Variants in FMN2 observed in about 807,000 individuals in gnomAD.
FMN2 encodes formin 2.
Under a neutral mutation model 142.3 loss-of-function variants are expected in FMN2, and 51 were observed. The ratio of observed to expected loss-of-function variants is 0.36; its 90% CI spans 0.29 to 0.45. FMN2 has a LOEUF of 0.45. Among genes scored for constraint, FMN2 ranks in the 20% least tolerant of loss-of-function variants. FMN2 has a pLI of 1.00. For synonymous variants in FMN2, 882 were observed against 869.8 expected (o/e 1.01, Z -0.25); for missense variants, 1,936 against 2,122.8 (o/e 0.91, Z 1.73).
At chr1:240,277,525 C>CTTT (rs34678861) in intron 7 of FMN2, among the ~76,000 whole-genome samples, 2,504 of 66,128 alleles carry the variant, frequency 0.038, 5 homozygotes, top group Non-Finnish European at 0.048. Context: ...GCATCTTCTT[C>CTTT]TTTTTTTTTT....
intron 1 of FMN2, among the ~76,000 whole-genome samples, chr1:240,094,766 A>C (rs2103163039): frequency 6.6e-6 from 1 of 152,350 alleles, no homozygotes; most frequent in Admixed American, 6.5e-5. Context: ...GCAATCTGAA[A>C]ATTTTAAAAT....
chr1:240,313,026 G>A (rs1670646704), intron 8 of FMN2, among the ~76,000 whole-genome samples: 1 of 152,186 alleles, frequency 6.6e-6, no homozygotes, highest in African/African-American at 2.4e-5. Context: ...TTGTTCTGAA[G>A]TACAAGGCTC....
chr1:240,300,764 G>GT (rs1428673142), intron 8 of FMN2, among the ~76,000 whole-genome samples: 3 of 152,018 alleles, frequency 2.0e-5, no homozygotes, highest in African/African-American at 7.2e-5. Flanking sequence ...ATTTGGAATC[G>GT]TTTTTTCTCT....
intron 2 of FMN2, among the ~76,000 whole-genome samples, chr1:240,167,977 C>T (rs12065347): frequency 0.012 from 1,758 of 152,198 alleles, 41 homozygotes; most frequent in African/African-American, 0.041. Flanking sequence ...GAAGCTGAGG[C>T]AGAAGAATCC....
At chr1:240,094,852 A>T (rs1260312847) in intron 1 of FMN2, among the ~76,000 whole-genome samples, 3 of 152,192 alleles carry the variant, frequency 2.0e-5, no homozygotes, top group Admixed American at 2.0e-4. Flanking sequence ...ACAGACAGCG[A>T]CTTCTTAGTT....
At chr1:240,144,061 G>T (rs1663317966) in intron 2 of FMN2, 2 of 1,097,784 alleles carry the variant, frequency 1.8e-6, no homozygotes, top group Admixed American at 1.7e-5. Context: ...CTGACTTAAT[G>T]TAGTCCTCAA....
intron 13 of FMN2, among the ~76,000 whole-genome samples, chr1:240,346,339 ATAT>A (rs1671906681): frequency 6.6e-6 from 1 of 152,164 alleles, no homozygotes; most frequent in Non-Finnish European, 1.5e-5. Flanking sequence ...TTGTATACAA[ATAT>A]TATTTGTATA....
At position 240,257,956 on chromosome 1, in the gene FMN2, A is replaced by G; in HGVS notation, c.4077A>G (p.Leu1359=). Residue 1359 remains leucine, a synonymous_variant, in exon 7 of 18, where the codon TTA becomes TTG. Transcript: ENST00000319653. ...TCTTTCTCGAGCAGGTTGTCAAGTTATTAAGCAACAAAAGATCACAAGCAG... is the reference window on the plus strand; with the variant it reads ...TCTTTCTCGAGCAGGTTGTCAAGTTGTTAAGCAACAAAAGATCACAAGCAG... The part of the protein sequence containing the change: ...SKTKAKQVVK[L]LSNKRSQAVG... The G allele has an allele frequency of 6.2e-7, 1 of 1,613,264 alleles. No individual in the cohort carries two copies. The highest frequency in any genetic ancestry group is 8.5e-7 in the Non-Finnish European group (1 of 1,179,696).
chr1:240,245,879 G>C (rs1668062584), intron 6 of FMN2, among the ~76,000 whole-genome samples: 1 of 152,222 alleles, frequency 6.6e-6, no homozygotes, highest in Admixed American at 6.5e-5. Context: ...AGAGGAAAAG[G>C]ATAGAGAAAG....
chr1:240,170,730 C>G (rs1664666228), intron 2 of FMN2: 3 of 1,508,498 alleles, frequency 2.0e-6, no homozygotes, highest in Admixed American at 3.4e-5. Context: ...TGAACACTGT[C>G]AAGGTGGGGC....
chr1:240,157,977 A>AT (rs59691811), intron 2 of FMN2, among the ~76,000 whole-genome samples: 1 of 144,968 alleles, frequency 6.9e-6, no homozygotes, highest in Non-Finnish European at 1.5e-5. Flanking sequence ...TCTCTACTAA[A>AT]AAAAAAAAAA....
chr1:240,443,486 C>T (rs763789860), intron 16 of FMN2, among the ~76,000 whole-genome samples: 7 of 152,028 alleles, frequency 4.6e-5, no homozygotes, highest in Non-Finnish European at 7.4e-5. Context: ...CTTTGGGAGG[C>T]CAGCACTTTG....
chr1:240,340,892 T>C (rs899116986), intron 13 of FMN2, among the ~76,000 whole-genome samples: 1 of 152,186 alleles, frequency 6.6e-6, no homozygotes, highest in African/African-American at 2.4e-5. Context: ...CCTTAATGTG[T>C]AGAAAAATTT....
intron 14 of FMN2, among the ~76,000 whole-genome samples, chr1:240,380,705 C>G (rs955974423): frequency 4.0e-5 from 5 of 125,898 alleles, no homozygotes; most frequent in African/African-American, 1.5e-4. Flanking sequence ...AAACCAAACT[C>G]AAAACTAGTT....
intron 13 of FMN2, among the ~76,000 whole-genome samples, chr1:240,338,932 A>T (rs1007299049): frequency 1.3e-5 from 2 of 152,336 alleles, no homozygotes; most frequent in East Asian, 3.9e-4. Flanking sequence ...AGACAGTGAC[A>T]GATCATCAGA....
intron 2 of FMN2, among the ~76,000 whole-genome samples, chr1:240,173,347 A>G (rs1001023557): frequency 6.6e-6 from 1 of 152,136 alleles, no homozygotes; most frequent in Admixed American, 6.5e-5. Flanking sequence ...TTGAGGAAAC[A>G]TGATATACAC....
At position 240,093,208 on chromosome 1, in the gene FMN2, GC is replaced by G; in HGVS notation, c.1103del (p.Pro368ArgfsTer84). 6.7e-7 allele frequency: 1 copy of G among 1,500,364 alleles called. No homozygotes were observed. 92.9% of individuals were successfully genotyped at this position (1,500,364 alleles called of 1,614,324 possible). A position where few individuals can be genotyped will look rare whatever the true frequency, so the allele number is the denominator to read the frequency against. On this transcript the variant is annotated frameshift_variant, in exon 1 of 18. Coordinates refer to ENST00000319653, the MANE Select transcript of FMN2 (RefSeq NM_020066.5). LOFTEE classifies it high-confidence loss of function. ...CCGGGGCTCTCCGGGGGAGGAGTGGGCCCCGGAGGTGGGAGAGGACGCCCCG... is the reference window on the plus strand; with the variant it reads ...CCGGGGCTCTCCGGGGGAGGAGTGGGCCCGGAGGTGGGAGAGGACGCCCCG... ...APRGSPGEEW[A>X]PEVGEDAPQR... is the part of the protein sequence containing the mutation.
chr1:240,290,147 T>G (rs1364955907), intron 7 of FMN2, among the ~76,000 whole-genome samples: 1 of 152,232 alleles, frequency 6.6e-6, no homozygotes, highest in African/African-American at 2.4e-5. Flanking sequence ...ATTTTTTTAA[T>G]GTAATGCAGT....
intron 1 of FMN2, among the ~76,000 whole-genome samples, chr1:240,121,755 A>T (rs1235170638): frequency 6.7e-6 from 1 of 148,476 alleles, no homozygotes; most frequent in Middle Eastern, 3.2e-3. Flanking sequence ...AAAAAAAAAA[A>T]AAAAAAAAAA....
Sources: gnomAD v4.1 joint callset for allele counts (sites outside exome capture counted in the v4.1 genomes callset) on GRCh38, gnomAD v4.1.1 for gene constraint, MANE v1.5 for transcripts, NCBI Gene and HGNC (gene_info 2026-07-23, HGNC 2026-07-21) for gene names.